SCFD2: variants seen among roughly 807,000 people sequenced by gnomAD.
SCFD2 encodes the protein sec1 family domain-containing protein 2.
SCFD2 carries 54 observed loss-of-function variants against 58.9 expected under a neutral mutation model. The observed-to-expected ratio is 0.92, with a 90% confidence interval of 0.74 to 1.15. The LOEUF (loss-of-function observed/expected upper bound fraction) is 1.15. Among genes scored for constraint, SCFD2 ranks in the 50% most tolerant of loss-of-function variants. The probability of loss-of-function intolerance (pLI) is 0.00; values close to 1 mark genes in which losing one functional copy is unlikely to be tolerated. For missense variants in SCFD2, 805 were observed against 836.6 expected (o/e 0.96, Z 0.47); for synonymous variants, 321 against 335.9 (o/e 0.96, Z 0.49).
chr4:53,351,426 C>T (rs1476536583), intron 2 of SCFD2, among the ~76,000 whole-genome samples: 1 of 152,196 alleles, frequency 6.6e-6, no homozygotes, highest in Non-Finnish European at 1.5e-5. Context: ...ATAGCAGATA[C>T]ATTAATCTTA....
intron 2 of SCFD2, among the ~76,000 whole-genome samples, chr4:53,314,663 ATTTAGT>A (rs1465480831): frequency 6.6e-6 from 1 of 152,194 alleles, no homozygotes; most frequent in South Asian, 2.1e-4. Context: ...TACATTTTTA[ATTTAGT>A]TTTAAAGTTA....
chr4:53,049,929 T>A (rs888463042), intron 5 of SCFD2, among the ~76,000 whole-genome samples: 1 of 152,194 alleles, frequency 6.6e-6, no homozygotes, highest in Non-Finnish European at 1.5e-5. Context: ...AAAAATTCTT[T>A]GATTGGCATG....
intron 4 of SCFD2, among the ~76,000 whole-genome samples, chr4:53,200,940 G>C (rs1728210567): frequency 6.6e-6 from 1 of 151,912 alleles, no homozygotes; most frequent in South Asian, 2.1e-4. Context: ...GTTCAGCAAA[G>C]TTCAAGTATT....
intron 3 of SCFD2, among the ~76,000 whole-genome samples, chr4:53,311,634 T>C (rs1732692760): frequency 7.6e-6 from 1 of 132,168 alleles, no homozygotes; most frequent in Non-Finnish European, 1.6e-5. Context: ...CTACTTTCCT[T>C]GATTCACAAT....
intron 5 of SCFD2, among the ~76,000 whole-genome samples, chr4:52,963,737 G>T (rs368410368): frequency 1.2e-4 from 18 of 152,142 alleles, no homozygotes; most frequent in African/African-American, 4.3e-4. Context: ...TAAATTTGGT[G>T]AGCAACAGCC....
intron 5 of SCFD2, among the ~76,000 whole-genome samples, chr4:53,020,081 A>G (rs1722310358): frequency 6.6e-6 from 1 of 152,208 alleles, no homozygotes; most frequent in Non-Finnish European, 1.5e-5. Context: ...ATTAGCAACC[A>G]GCTTGTCTTG....
intron 5 of SCFD2, among the ~76,000 whole-genome samples, chr4:53,122,111 T>C (rs1294182988): frequency 1.3e-5 from 2 of 152,106 alleles, no homozygotes; most frequent in Non-Finnish European, 2.9e-5. Flanking sequence ...GCGCGGTGGC[T>C]CATGCCTGTA....
intron 2 of SCFD2, among the ~76,000 whole-genome samples, chr4:53,333,449 A>G (rs1217535435): frequency 2.1e-5 from 3 of 140,306 alleles, no homozygotes; most frequent in South Asian, 2.5e-4. Flanking sequence ...AATGCCGCAT[A>G]TCTACAACTA....
At chr4:53,117,543 T>C (rs12186215) in intron 5 of SCFD2, among the ~76,000 whole-genome samples, 26,745 of 152,138 alleles carry the variant, frequency 0.18, 2,699 homozygotes, top group Middle Eastern at 0.27. Context: ...CAGTGTTCCA[T>C]ACAAAGCCAA....
intron 5 of SCFD2, among the ~76,000 whole-genome samples, chr4:53,127,949 T>G (rs902655882): frequency 5.3e-5 from 8 of 150,642 alleles, no homozygotes; most frequent in East Asian, 1.9e-4. Flanking sequence ...TTTTGTTTTT[T>G]TTTTTTTTTA....
intron 4 of SCFD2, among the ~76,000 whole-genome samples, chr4:53,175,966 T>A (rs113702005): frequency 0.016 from 2,441 of 152,310 alleles, 33 homozygotes; most frequent in Non-Finnish European, 0.024. Context: ...TTGAGATGAT[T>A]CTTCTCCCAT....
intron 2 of SCFD2, among the ~76,000 whole-genome samples, chr4:53,335,149 T>G (rs1288567578): frequency 7.9e-6 from 1 of 126,514 alleles, no homozygotes; most frequent in Admixed American, 1.1e-4. Context: ...TGAGCTGAGA[T>G]CATGCCACTG....
intron 5 of SCFD2, among the ~76,000 whole-genome samples, chr4:53,144,866 G>T (rs765838998): frequency 6.6e-6 from 1 of 152,120 alleles, no homozygotes; most frequent in South Asian, 2.1e-4. Flanking sequence ...TAGGCCAGGG[G>T]TCGCCAACCC....
chr4:53,203,520 CA>C (rs377027496), intron 4 of SCFD2, among the ~76,000 whole-genome samples: 24 of 151,218 alleles, frequency 1.6e-4, no homozygotes, highest in African/African-American at 5.1e-4. Flanking sequence ...AAAAGAAAAA[CA>C]AAAAAAAGTT....
At chr4:53,062,521 C>A (rs1295438577) in intron 5 of SCFD2, among the ~76,000 whole-genome samples, 1 of 152,068 alleles carries the variant, frequency 6.6e-6, no homozygotes, top group East Asian at 1.9e-4. Flanking sequence ...AATGCAAATT[C>A]TAGTTATCAA....
intron 4 of SCFD2, among the ~76,000 whole-genome samples, chr4:53,212,269 A>G (rs955993814): frequency 2.0e-5 from 3 of 152,128 alleles, no homozygotes; most frequent in African/African-American, 7.2e-5. Flanking sequence ...TATAGCTTAT[A>G]AAGGACCAGG....
intron 5 of SCFD2, among the ~76,000 whole-genome samples, chr4:53,059,146 T>C (rs1332939661): frequency 1.3e-5 from 2 of 152,082 alleles, no homozygotes; most frequent in African/African-American, 4.8e-5. Context: ...GATCTCTCCC[T>C]TGCCTCAAAG....
At chr4:53,127,426 C>A (rs1725659406) in intron 5 of SCFD2, among the ~76,000 whole-genome samples, 2 of 152,290 alleles carry the variant, frequency 1.3e-5, no homozygotes, top group Non-Finnish European at 1.5e-5. Context: ...CACCCCAACC[C>A]CCAGCACAAC....
chr4:53,033,555 AATAG>A (rs1329291352), intron 5 of SCFD2, among the ~76,000 whole-genome samples: 3 of 152,140 alleles, frequency 2.0e-5, no homozygotes, highest in Non-Finnish European at 4.4e-5. Flanking sequence ...AGAACAACAA[AATAG>A]ATAGACCACT....
Sources: gnomAD v4.1 joint callset for allele counts (sites outside exome capture counted in the v4.1 genomes callset) on GRCh38, gnomAD v4.1.1 for gene constraint, MANE v1.5 for transcripts, NCBI Gene and HGNC (gene_info 2026-07-23, HGNC 2026-07-21) for gene names.